Variants in CNOT4 observed in about 807,000 individuals in gnomAD.
The protein encoded by CNOT4 is CCR4-NOT transcription complex subunit 4, also known as CCR4-associated factor 4.
In CNOT4, 8 loss-of-function variants were observed where a neutral mutation model predicts 73.8. That is an observed-to-expected ratio of 0.11 (90% confidence interval 0.06 to 0.20). CNOT4 has a LOEUF of 0.20. CNOT4 is among the 10% of genes least tolerant of loss of function. CNOT4 has a pLI of 1.00. For missense variants in CNOT4, 564 were observed against 883.4 expected, an observed-to-expected ratio of 0.64 and a Z score of 4.58; for synonymous variants, 293 against 321.1, an observed-to-expected ratio of 0.91 and a Z score of 0.94.
intron 7 of CNOT4, among the ~76,000 whole-genome samples, 158 bp from the exon 8 acceptor site, chr7:135,398,384 CA>C (rs776906610): frequency 6.6e-5 from 10 of 151,706 alleles, no homozygotes; most frequent in Non-Finnish European, 1.3e-4. Flanking sequence ...GTTGAGGACA[CA>C]AAGAAGTACA....
At chr7:135,475,863 T>C (rs1801958268) in intron 1 of CNOT4, among the ~76,000 whole-genome samples, 1 of 152,064 alleles carries the variant, frequency 6.6e-6, no homozygotes, top group South Asian at 2.1e-4. Context: ...GTGAGCTATG[T>C]TCACGCCACT....
intron 1 of CNOT4, among the ~76,000 whole-genome samples, chr7:135,456,514 G>A (rs1361129724): frequency 2.0e-5 from 3 of 152,026 alleles, no homozygotes; most frequent in African/African-American, 7.2e-5. Flanking sequence ...TATATAATAT[G>A]AAATATAATC....
chr7:135,435,321 C>T (rs1284610097), intron 2 of CNOT4, among the ~76,000 whole-genome samples: 1 of 152,200 alleles, frequency 6.6e-6, no homozygotes, highest in Non-Finnish European at 1.5e-5. Flanking sequence ...AGACTGCTCT[C>T]AGCAGAGATT....
intron 10 of CNOT4, among the ~76,000 whole-genome samples, chr7:135,379,895 G>A (rs1795742538): frequency 6.6e-6 from 1 of 152,146 alleles, no homozygotes; most frequent in Admixed American, 6.5e-5. Flanking sequence ...ACTACTTTCT[G>A]TTCCATCAAT....
chr7:135,429,161 TAAGTA>T (rs1480725530), intron 2 of CNOT4, among the ~76,000 whole-genome samples: 1 of 152,238 alleles, frequency 6.6e-6, no homozygotes, highest in Admixed American at 6.5e-5. Context: ...GTTGTACTGT[TAAGTA>T]AAGATTCATG....
intron 1 of CNOT4, among the ~76,000 whole-genome samples, chr7:135,466,381 T>G (rs2129486524): frequency 6.7e-6 from 1 of 148,864 alleles, no homozygotes; most frequent in African/African-American, 2.5e-5. Flanking sequence ...GGCTGAGGTA[T>G]GAGAATCGCC....
chr7:135,410,223 A>C (rs1797519851), intron 7 of CNOT4, among the ~76,000 whole-genome samples: 1 of 152,104 alleles, frequency 6.6e-6, no homozygotes. Flanking sequence ...AAAACCTAAA[A>C]TCCCTTAATT....
At chr7:135,476,331 GCCTTCCTATCATT>G (rs1801993691) in intron 1 of CNOT4, among the ~76,000 whole-genome samples, 1 of 152,100 alleles carries the variant, frequency 6.6e-6, no homozygotes, top group Non-Finnish European at 1.5e-5. Context: ...CAATCACACT[GCCTTCCTATCATT>G]ATAATGAAAT....
chr7:135,413,831 G>A (rs1797706827), intron 5 of CNOT4, among the ~76,000 whole-genome samples: 2 of 151,932 alleles, frequency 1.3e-5, no homozygotes, highest in Admixed American at 1.3e-4. Context: ...TCTGTCTATG[G>A]TTTCCAAAAC....
rs17480616 is a variant in CNOT4, at chr7:135,438,312, G to T, written c.20C>A (p.Ala7Glu). The change falls in exon 2 of 12, where the codon GCG becomes GAG. Residue 7 changes from alanine to glutamate, a missense_variant. Physicochemically the swap from Ala to Glu is moderately radical, Grantham distance 107 (BLOSUM62 -1). Around this residue, in one of 10 missense-constraint regions of CNOT4, gnomAD observed 76 missense variants for 208.7 expected, o/e 0.36. Coordinates refer to ENST00000541284, the MANE Select transcript of CNOT4 (RefSeq NM_001190850.2). Reference sequence around the variant, plus strand: ...AGGGCACTCCACAGGGTCTTCCTTCGCATCAGGACTGCGAGACATCTTCAC... The same window carrying T: ...AGGGCACTCCACAGGGTCTTCCTTCTCATCAGGACTGCGAGACATCTTCAC... Reference protein sequence around the residue: MSRSPDAKEDPVECPLC... With the variant: MSRSPDEKEDPVECPLC... The T allele has an allele frequency of 6.2e-7, 1 of 1,608,700 alleles. No individual in the cohort carries two copies. Among genetic ancestry groups the T allele is most frequent in the Non-Finnish European group, 8.5e-7 (1 of 1,177,862 alleles).
chr7:135,422,407 C>A, intron 2 of CNOT4, 54 bp from the exon 3 acceptor site: 2 of 811,008 alleles, frequency 2.5e-6, no homozygotes, highest in Non-Finnish European at 2.1e-6. Context: ...AAAAAAACTG[C>A]GTAAGTAATT....
At chr7:135,382,874 T>A (rs1175177371) in intron 10 of CNOT4, among the ~76,000 whole-genome samples, 1 of 152,168 alleles carries the variant, frequency 6.6e-6, no homozygotes, top group East Asian at 1.9e-4. Context: ...AATTTTGCAA[T>A]CTGTGGAACC....
intron 1 of CNOT4, among the ~76,000 whole-genome samples, chr7:135,482,006 T>C (rs1802410074): frequency 6.6e-6 from 1 of 152,306 alleles, no homozygotes; most frequent in East Asian, 1.9e-4. Context: ...AAGAAATAAC[T>C]TCTAATGTTC....
chr7:135,461,256 C>T (rs1800854156), intron 1 of CNOT4, among the ~76,000 whole-genome samples: 1 of 151,916 alleles, frequency 6.6e-6, no homozygotes, highest in Non-Finnish European at 1.5e-5. Flanking sequence ...ACAGACTAAT[C>T]AAAATTTATA....
At chr7:135,446,146 G>T (rs1799810803) in intron 1 of CNOT4, among the ~76,000 whole-genome samples, 1 of 152,144 alleles carries the variant, frequency 6.6e-6, no homozygotes. Flanking sequence ...CTCCCAAAGT[G>T]CTGGGATTAC....
chr7:135,439,412 C>G (rs1799344429), intron 1 of CNOT4, among the ~76,000 whole-genome samples: 1 of 152,142 alleles, frequency 6.6e-6, no homozygotes, highest in South Asian at 2.1e-4. Flanking sequence ...TATAAAGCTA[C>G]AGTAATTTAA....
chr7:135,506,497 AAAT>A (rs1429356205), intron 1 of CNOT4, among the ~76,000 whole-genome samples: 2 of 152,224 alleles, frequency 1.3e-5, no homozygotes, highest in African/African-American at 2.4e-5. Context: ...TGATCTATAA[AAAT>A]AATAACACTA....
intron 1 of CNOT4, among the ~76,000 whole-genome samples, chr7:135,491,697 G>C (rs1476780364): frequency 6.6e-6 from 1 of 152,142 alleles, no homozygotes; most frequent in Non-Finnish European, 1.5e-5. Context: ...GAGCAAGAAA[G>C]AGCAATTGAG....
intron 2 of CNOT4, among the ~76,000 whole-genome samples, chr7:135,431,660 T>C (rs1798852970): frequency 1.3e-5 from 2 of 151,968 alleles, no homozygotes; most frequent in Admixed American, 6.6e-5. Flanking sequence ...GGAGAATCAC[T>C]TGAACCCGGC....
Sources: gnomAD v4.1 joint callset for allele counts (sites outside exome capture counted in the v4.1 genomes callset) on GRCh38, gnomAD v4.1.1 for gene constraint, gnomAD v4.1.1 regional missense constraint, MANE v1.5 for transcripts, NCBI Gene and HGNC (gene_info 2026-07-23, HGNC 2026-07-21) for gene names.